Variants in HMCN2 observed in about 807,000 individuals in gnomAD.
HMCN2 encodes hemicentin 2.
HMCN2 carries 325 observed loss-of-function variants against 377.5 expected under a neutral mutation model. That is an observed-to-expected ratio of 0.86 (90% confidence interval 0.79 to 0.94). The LOEUF (loss-of-function observed/expected upper bound fraction) is 0.94. HMCN2 is among the 40% of genes least tolerant of loss of function. HMCN2 has a pLI of 0.00. For synonymous variants in HMCN2, 2,007 were observed against 2,046.8 expected, an observed-to-expected ratio of 0.98 and a Z score of 0.53; for missense variants, 4,543 against 4,725.3, an observed-to-expected ratio of 0.96 and a Z score of 1.13.
At chr9:130,336,412 C>T (rs1261102352) in intron 22 of HMCN2, among the ~76,000 whole-genome samples, 1 of 152,208 alleles carries the variant, frequency 6.6e-6, no homozygotes, top group East Asian at 1.9e-4. Context: ...CCTCTCTGTT[C>T]CAGACGCCGT....
intron 75 of HMCN2, 137 bp downstream of exon 75, chr9:130,398,844 A>G: frequency 1.4e-6 from 1 of 716,738 alleles, no homozygotes; most frequent in South Asian, 1.9e-5. Flanking sequence ...CTTGTGTCTC[A>G]ACTTTGGGGA....
intron 40 of HMCN2, 29 bp downstream of exon 40, chr9:130,363,019 G>GTTCA (rs1840469540): frequency 1.0e-6 from 1 of 986,036 alleles, no homozygotes; most frequent in African/African-American, 1.7e-5. Context: ...AAGCCATGTG[G>GTTCA]TTCAGAGCAG....
intron 84 of HMCN2, 111 bp downstream of exon 84, chr9:130,409,044 A>G (rs988757826): frequency 1.5e-6 from 1 of 667,666 alleles, no homozygotes; most frequent in African/African-American, 1.9e-5. Flanking sequence ...CAGTGTACAA[A>G]GCACCTCCCT....
At chr9:130,427,804 T>C (rs563720414) in intron 92 of HMCN2, among the ~76,000 whole-genome samples, 185 bp downstream of exon 92, 6 of 152,154 alleles carry the variant, frequency 3.9e-5, no homozygotes, top group Non-Finnish European at 5.9e-5. Context: ...CTTCTTGCTA[T>C]GGGAGCTGCA....
intron 1 of HMCN2, among the ~76,000 whole-genome samples, chr9:130,277,152 C>T (rs946901219): frequency 1.1e-4 from 16 of 152,246 alleles, no homozygotes; most frequent in African/African-American, 3.9e-4. Context: ...GTTCATGGGG[C>T]TGGCCCCACA....
rs142463028 is a variant in HMCN2, at chr9:130,384,117, C to G, written c.8831-256C>G. Reference sequence around the variant, plus strand: ...TGTTGAGCCCTCAAGGTCATGGGCTCAAACCTGAATTGATATCTTAGCTCT... The same window carrying G: ...TGTTGAGCCCTCAAGGTCATGGGCTGAAACCTGAATTGATATCTTAGCTCT... On this transcript the variant is annotated intron_variant, in intron 57 of 97. Transcript: ENST00000683500. Among the ~76,000 whole-genome samples, 316 of 152,328 alleles carry G rather than the reference C, an allele frequency of 2.1e-3. 2 individuals carry two copies. The highest frequency in any genetic ancestry group is 7.2e-3 in the African/African-American group (299 of 41,554).
intron 15 of HMCN2, among the ~76,000 whole-genome samples, chr9:130,311,841 C>T (rs1294361618): frequency 4.6e-5 from 7 of 152,118 alleles, no homozygotes; most frequent in Non-Finnish European, 7.4e-5. Context: ...GGGCTGTGCC[C>T]TGAGGGGGTT....
At chr9:130,365,399 G>A (rs1411003787) in intron 41 of HMCN2, among the ~76,000 whole-genome samples, 1 of 152,234 alleles carries the variant, frequency 6.6e-6, no homozygotes, top group Non-Finnish European at 1.5e-5. Flanking sequence ...ATGAAGTTTG[G>A]GAGGCTGGCA....
intron 75 of HMCN2, 44 bp downstream of exon 75, chr9:130,398,751 CG>C (rs1564855717): frequency 2.5e-6 from 3 of 1,205,626 alleles, no homozygotes; most frequent in South Asian, 2.6e-5. Flanking sequence ...ACGCACAGGG[CG>C]GGGAGGCACT....
intron 53 of HMCN2, 141 bp downstream of exon 53, chr9:130,377,940 C>A: frequency 1.7e-6 from 1 of 590,104 alleles, no homozygotes; most frequent in East Asian, 1.4e-4. Context: ...CTCAGCAGCC[C>A]AGAACGGCAC....
At chr9:130,331,632 T>C (rs919261194) in intron 22 of HMCN2, among the ~76,000 whole-genome samples, 2 of 152,148 alleles carry the variant, frequency 1.3e-5, no homozygotes, top group Non-Finnish European at 2.9e-5. Flanking sequence ...GGCCTCAGCC[T>C]TTCAGTTTGA....
At position 130,391,055 on chromosome 9, in the gene HMCN2, C is replaced by T. The variant is rs45488294; in HGVS notation, c.9602C>T (p.Thr3201Ile). ...CGCCTGCAACCGGCCCAGGCGGGCACCTACACGTGCGTGGCTGAGAACACC... is the reference window on the plus strand; with the variant it reads ...CGCCTGCAACCGGCCCAGGCGGGCATCTACACGTGCGTGGCTGAGAACACC... ...LSRLQPAQAG[T>I]YTCVAENTQA... The change falls in exon 63 of 98, where the codon ACC becomes ATC. Residue 3201 changes from threonine (T) to isoleucine (I), a missense_variant. Coordinates refer to ENST00000683500, the MANE Select transcript of HMCN2 (RefSeq NM_001291815.2). 95,827 of 987,910 alleles carry T rather than the reference C, an allele frequency of 0.097. 4,940 individuals carry two copies. The highest frequency in any genetic ancestry group is 0.12 in the Middle Eastern group (418 of 3,532). The allele number at this position is 987,910 out of a possible 1,614,324, so 61.2% of individuals were successfully genotyped here.
rs533884793 is a variant in HMCN2 at position 130,361,748 on chromosome 9, C to A, written c.5951-260C>A. 6.6e-6 allele frequency among the ~76,000 whole-genome samples: 1 copy of A among 152,344 alleles called. No homozygotes were observed. The highest frequency in any genetic ancestry group is 2.4e-5 in the African/African-American group (1 of 41,580). ...ACCAGAGGCCTGAGTGCGAGTGCTGCTTCCTGGGTGGTCAGCCTTGGGCAG... is the reference window on the plus strand; with the variant it reads ...ACCAGAGGCCTGAGTGCGAGTGCTGATTCCTGGGTGGTCAGCCTTGGGCAG... On this transcript the variant is annotated intron_variant, in intron 38 of 97. Coordinates refer to ENST00000683500, the MANE Select transcript of HMCN2 (RefSeq NM_001291815.2). This position sits in a 1 kb window ranked among gnomAD's most constrained non-coding sequence, Gnocchi z 4.8.
At chr9:130,395,153 G>A (rs940311975) in intron 70 of HMCN2, 45 bp downstream of exon 70, 24 of 1,277,754 alleles carry the variant, frequency 1.9e-5, no homozygotes, top group Admixed American at 7.0e-5. Flanking sequence ...GAGGCAGGAC[G>A]GGCTCGCGGC....
intron 23 of HMCN2, chr9:130,338,624 G>A (rs1838887071): frequency 6.6e-6 from 1 of 152,316 alleles, no homozygotes; most frequent in African/African-American, 2.4e-5. Context: ...GCCTGGTGGG[G>A]GGTCCCAGGA....
In HMCN2 at chr9:130,316,734, C is replaced by A. The variant is rs1027585446; in HGVS notation, c.2351-2761C>A. On this transcript the variant is annotated intron_variant, in intron 15 of 97. Coordinates refer to ENST00000683500, the MANE Select transcript of HMCN2 (RefSeq NM_001291815.2). ...TGTGGAGCCACGGTGGCCATGGAACCAGCTCGCTGTCCTCCCTGGGTCACA... is the reference window on the plus strand; with the variant it reads ...TGTGGAGCCACGGTGGCCATGGAACAAGCTCGCTGTCCTCCCTGGGTCACA... 5.6e-3 allele frequency among the ~76,000 whole-genome samples: 860 copies of A among 152,328 alleles called. 7 individuals carry two copies. Among genetic ancestry groups the A allele is most frequent in the African/African-American group, 0.02 (838 of 41,562 alleles).
intron 37 of HMCN2, 92 bp downstream of exon 37, chr9:130,359,506 A>G (rs968442248): frequency 1.6e-5 from 8 of 507,278 alleles, no homozygotes; most frequent in African/African-American, 1.4e-4. Flanking sequence ...CTGATTGGAC[A>G]TAATGGGGAG....
At chr9:130,277,955 C>CCACCACCACGATCAT (rs1834848328) in intron 1 of HMCN2, among the ~76,000 whole-genome samples, 1 of 93,206 alleles carries the variant, frequency 1.1e-5, no homozygotes, top group Non-Finnish European at 2.1e-5. Flanking sequence ...ATCATCATCA[C>CCACCACCACGATCAT]CACCACCACC....
At chr9:130,310,729 AC>A (rs1465492740) in intron 15 of HMCN2, among the ~76,000 whole-genome samples, 7 of 152,026 alleles carry the variant, frequency 4.6e-5, no homozygotes, top group Non-Finnish European at 1.0e-4. Context: ...GATCTCTGGG[AC>A]CAGCTTGGAG....
Sources: allele counts gnomAD v4.1 joint callset (sites outside exome capture counted in the v4.1 genomes callset), GRCh38; gene constraint gnomAD v4.1.1; non-coding constraint Gnocchi (gnomAD v3.1); transcripts MANE v1.5; gene names NCBI Gene and HGNC (gene_info 2026-07-23, HGNC 2026-07-21).